LPP: variants seen among roughly 807,000 people sequenced by gnomAD.
The protein encoded by LPP is lipoma-preferred partner.
In LPP, 38 loss-of-function variants were observed where a neutral mutation model predicts 60.4. The observed-to-expected ratio is 0.63, with a 90% CI of 0.49 to 0.83. The LOEUF is 0.83. Ranked by LOEUF, LPP falls within the 40% of genes least tolerant of loss-of-function variation. LPP has a pLI of 0.00. For missense variants in LPP, 902 were observed against 783.6 expected (o/e 1.15, Z -1.80); for synonymous variants, 328 against 290.8 (o/e 1.13, Z -1.30).
At chr3:188,671,042 G>A (rs1856855043) in intron 7 of LPP, among the ~76,000 whole-genome samples, 1 of 152,148 alleles carries the variant, frequency 6.6e-6, no homozygotes, top group Admixed American at 6.5e-5. Flanking sequence ...TGTTTATGCA[G>A]TTTAAGTCTT....
chr3:188,486,864 A>G (rs1806704717), intron 5 of LPP, among the ~76,000 whole-genome samples: 1 of 152,220 alleles, frequency 6.6e-6, no homozygotes, highest in Non-Finnish European at 1.5e-5. Flanking sequence ...TGGCAAATAA[A>G]ACCAATATGA....
intron 7 of LPP, among the ~76,000 whole-genome samples, chr3:188,665,562 C>T (rs571043732): frequency 2.0e-5 from 3 of 150,244 alleles, no homozygotes; most frequent in Admixed American, 6.7e-5. Context: ...CAGTTTTAAG[C>T]GATTCTCCTG....
At chr3:188,266,112 T>C (rs1735442926) in intron 2 of LPP, among the ~76,000 whole-genome samples, 1 of 152,034 alleles carries the variant, frequency 6.6e-6, no homozygotes, top group South Asian at 2.1e-4. Flanking sequence ...ACCATGTGTG[T>C]GTTCTTCCCA....
intron 7 of LPP, among the ~76,000 whole-genome samples, chr3:188,697,641 C>T (rs1163060919): frequency 6.6e-6 from 1 of 152,020 alleles, no homozygotes; most frequent in African/African-American, 2.4e-5. Flanking sequence ...AGTATGTTTC[C>T]TGTTATTTTC....
intron 4 of LPP, among the ~76,000 whole-genome samples, chr3:188,438,587 A>G (rs1268941660): frequency 6.6e-6 from 1 of 152,082 alleles, no homozygotes; most frequent in East Asian, 1.9e-4. Context: ...CTTCCCATTT[A>G]TGAGGTGATT....
chr3:188,737,613 G>T (rs980833506), intron 8 of LPP, among the ~76,000 whole-genome samples: 1 of 152,140 alleles, frequency 6.6e-6, no homozygotes, highest in African/African-American at 2.4e-5. Flanking sequence ...TATTCAGTGT[G>T]TTCTTTTTGG....
At chr3:188,648,291 G>C (rs1040661280) in intron 7 of LPP, among the ~76,000 whole-genome samples, 6 of 152,032 alleles carry the variant, frequency 3.9e-5, no homozygotes, top group Non-Finnish European at 7.4e-5. Flanking sequence ...ACTAGCAAAG[G>C]CTCCTAAAGG....
chr3:188,496,975 AT>A (rs1411868779), intron 5 of LPP, among the ~76,000 whole-genome samples: 24 of 149,894 alleles, frequency 1.6e-4, no homozygotes, highest in African/African-American at 6.0e-4. Flanking sequence ...AATAAGTTAA[AT>A]TTTGCCAACT....
intron 9 of LPP, among the ~76,000 whole-genome samples, chr3:188,788,836 A>G (rs575048480): frequency 6.6e-6 from 1 of 152,164 alleles, no homozygotes; most frequent in East Asian, 1.9e-4. Flanking sequence ...TCTTGCCAGC[A>G]CTCATTTCAT....
intron 9 of LPP, among the ~76,000 whole-genome samples, chr3:188,832,898 A>G (rs535665504): frequency 6.6e-6 from 1 of 152,288 alleles, no homozygotes; most frequent in African/African-American, 2.4e-5. Context: ...TAACAGTTGC[A>G]AGTCTGCCTC....
At chr3:188,201,519 CAACGTGGCAA>C (rs1731076052) in intron 1 of LPP, among the ~76,000 whole-genome samples, 1 of 151,972 alleles carries the variant, frequency 6.6e-6, no homozygotes, top group African/African-American at 2.4e-5. Flanking sequence ...CCAGCCTGGC[CAACGTGGCAA>C]AACCCCATCT....
At chr3:188,488,619 TAG>T (rs1807335671) in intron 5 of LPP, among the ~76,000 whole-genome samples, 1 of 137,026 alleles carries the variant, frequency 7.3e-6, no homozygotes, top group Admixed American at 7.4e-5. Context: ...GACGGTCAGT[TAG>T]TTTTATTTAT....
chr3:188,302,365 C>G (rs1316847037), intron 2 of LPP, among the ~76,000 whole-genome samples: 1 of 152,158 alleles, frequency 6.6e-6, no homozygotes, highest in Non-Finnish European at 1.5e-5. Flanking sequence ...GAAACCTTAG[C>G]TATATATCAG....
chr3:188,543,875 G>A (rs760912598), intron 6 of LPP, among the ~76,000 whole-genome samples: 4 of 152,112 alleles, frequency 2.6e-5, no homozygotes, highest in South Asian at 2.1e-4. Flanking sequence ...TAAACCTGCC[G>A]ATCACAAAAG....
At chr3:188,684,235 C>A (rs550066890) in intron 7 of LPP, among the ~76,000 whole-genome samples, 2 of 152,296 alleles carry the variant, frequency 1.3e-5, no homozygotes, top group African/African-American at 4.8e-5. Context: ...ACAGTTTTAT[C>A]ACGGACACAT....
chr3:188,802,223 A>T (rs1202736749), intron 9 of LPP, among the ~76,000 whole-genome samples: 1 of 152,190 alleles, frequency 6.6e-6, no homozygotes, highest in Non-Finnish European at 1.5e-5. Context: ...TTCATAGAGC[A>T]TATTATTTAT....
At chr3:188,336,232 G>A (rs936483937) in intron 2 of LPP, among the ~76,000 whole-genome samples, 2 of 152,126 alleles carry the variant, frequency 1.3e-5, no homozygotes, top group Non-Finnish European at 2.9e-5. Context: ...GCTTGAAGTG[G>A]CTGTGGGACT....
intron 1 of LPP, among the ~76,000 whole-genome samples, chr3:188,198,598 C>T (rs1577237974): frequency 1.3e-5 from 2 of 152,206 alleles, no homozygotes; most frequent in African/African-American, 2.4e-5. Flanking sequence ...GCCCATTTTA[C>T]AGATGAGGTA....
chr3:188,511,210 T>G (rs1225481046), intron 5 of LPP, among the ~76,000 whole-genome samples: 2 of 99,866 alleles, frequency 2.0e-5, no homozygotes, highest in Non-Finnish European at 4.0e-5. Flanking sequence ...TTCCCTCCCT[T>G]CCTCCCTTCC....
Sources: allele counts gnomAD v4.1 joint callset (sites outside exome capture counted in the v4.1 genomes callset), GRCh38; gene constraint gnomAD v4.1.1; transcripts MANE v1.5; gene names NCBI Gene and HGNC (gene_info 2026-07-23, HGNC 2026-07-21).